Variants in LYRM4 observed in about 807,000 individuals in gnomAD.
The protein encoded by LYRM4 is LYR motif containing 4.
A neutral mutation model predicts 11.7 loss-of-function variants in LYRM4; 9 were observed. The ratio of observed to expected loss-of-function variants is 0.77; its 90% CI spans 0.46 to 1.34. The LOEUF (loss-of-function observed/expected upper bound fraction) is 1.34, where lower values mean the gene tolerates loss of function less well. Among genes scored for constraint, LYRM4 ranks in the 40% most tolerant of loss-of-function variants. The pLI is 0.00. For synonymous variants in LYRM4, 42 were observed against 40.4 expected (o/e 1.04, Z -0.15); for missense variants, 133 against 112.5 (o/e 1.18, Z -0.82).
intron 2 of LYRM4, among the ~76,000 whole-genome samples, chr6:5,133,625 CAT>C (rs1764056835): frequency 6.6e-6 from 1 of 152,188 alleles, no homozygotes; most frequent in Non-Finnish European, 1.5e-5. Flanking sequence ...GTTCACATAA[CAT>C]AAAATCATTT....
At position 5,194,402 on chromosome 6, in the gene LYRM4, G is replaced by A. The variant is rs546648122; in HGVS notation, c.207+22216C>T. Among the ~76,000 whole-genome samples, 11 of 152,194 alleles carry A rather than the reference G, an allele frequency of 7.2e-5. No homozygotes were observed. The East Asian group carries it at 1.9e-3, about 27-fold the overall frequency. ...TGTGAACAGGCATACCCTGGTGTGC[G>A]GCTGGTAATGAGCACCAGCTTTACT... is the stretch of plus-strand genomic sequence containing the variant. On this transcript the variant is annotated intron_variant, in intron 2 of 2. Coordinates refer to ENST00000330636, the MANE Select transcript of LYRM4 (RefSeq NM_020408.6).
chr6:5,047,496 G>T, the LYRM4 span, among the ~76,000 whole-genome samples: 1 of 152,088 alleles, frequency 6.6e-6, no homozygotes, highest in Non-Finnish European at 1.5e-5. Context: ...TTGTCTTTCT[G>T]GTTTGTATAG....
At chr6:5,075,330 GC>G in the LYRM4 span, among the ~76,000 whole-genome samples, 4 of 152,332 alleles carry the variant, frequency 2.6e-5, no homozygotes, top group Non-Finnish European at 4.4e-5. Context: ...TAAATTTGGA[GC>G]AGAGGGACTG....
the LYRM4 span, among the ~76,000 whole-genome samples, chr6:5,081,143 G>C: frequency 6.0e-5 from 8 of 134,200 alleles, no homozygotes; most frequent in Middle Eastern, 3.8e-3. Context: ...GCGGGGGGGG[G>C]GGGGGGGTAG....
downstream of LYRM4, among the ~76,000 whole-genome samples, chr6:5,098,640 A>G (rs1483760028): frequency 6.6e-6 from 1 of 152,186 alleles, no homozygotes; most frequent in African/African-American, 2.4e-5. Context: ...GCTGGAAACA[A>G]TGCATGCTGC....
At chr6:5,118,817 G>A (rs527498292) in intron 2 of LYRM4, among the ~76,000 whole-genome samples, 7 of 152,128 alleles carry the variant, frequency 4.6e-5, no homozygotes, top group South Asian at 2.1e-4. Context: ...TACGAATATC[G>A]ACCCCATGGT....
At chr6:5,060,794 C>T in the LYRM4 span, among the ~76,000 whole-genome samples, 1 of 152,150 alleles carries the variant, frequency 6.6e-6, no homozygotes, top group African/African-American at 2.4e-5. Context: ...TCCCAAAGTG[C>T]TAGGATTACA....
chr6:5,107,485 T>C (rs921586688), downstream of LYRM4: 3 of 152,260 alleles, frequency 2.0e-5, no homozygotes, highest in Non-Finnish European at 4.4e-5. Context: ...ACTGCACTGA[T>C]GCAAGGTGGA....
At chr6:5,056,221 A>G in the LYRM4 span, among the ~76,000 whole-genome samples, 1 of 152,202 alleles carries the variant, frequency 6.6e-6, no homozygotes, top group Non-Finnish European at 1.5e-5. Flanking sequence ...TTGGATCCTC[A>G]TATCTACTTC....
chr6:5,159,538 A>G (rs1030781054), intron 2 of LYRM4, among the ~76,000 whole-genome samples: 4 of 152,232 alleles, frequency 2.6e-5, no homozygotes, highest in African/African-American at 4.8e-5. Context: ...GCTTTTGAAC[A>G]AAAGTATTTT....
At chr6:5,247,233 A>G (rs1327963473) in intron 1 of LYRM4, among the ~76,000 whole-genome samples, 1 of 152,208 alleles carries the variant, frequency 6.6e-6, no homozygotes, top group African/African-American at 2.4e-5. Flanking sequence ...TGTCCCCCCA[A>G]GTCCAGAGGC....
chr6:5,103,602 T>C (rs1020539930), downstream of LYRM4: 31 of 151,942 alleles, frequency 2.0e-4, no homozygotes, highest in African/African-American at 7.3e-4. Context: ...TCTGCTGTTA[T>C]TTATAGGTTC....
At chr6:5,206,958 G>C (rs1378176970) in intron 2 of LYRM4, among the ~76,000 whole-genome samples, 1 of 152,046 alleles carries the variant, frequency 6.6e-6, no homozygotes, top group African/African-American at 2.4e-5. Context: ...GCTTGGCTCT[G>C]GTATTTCAAA....
chr6:5,078,978 T>C, the LYRM4 span, among the ~76,000 whole-genome samples: 276 of 152,350 alleles, frequency 1.8e-3, no homozygotes, highest in African/African-American at 5.7e-3. Context: ...ATATATGGTG[T>C]AGGAGAGGAA....
At chr6:5,179,639 G>A (rs917284889) in intron 2 of LYRM4, among the ~76,000 whole-genome samples, 1 of 152,120 alleles carries the variant, frequency 6.6e-6, no homozygotes, top group Non-Finnish European at 1.5e-5. Context: ...TCTATTGTAC[G>A]TATAGACCAC....
intron 2 of LYRM4, among the ~76,000 whole-genome samples, chr6:5,162,826 C>G (rs937980379): frequency 1.3e-5 from 2 of 152,126 alleles, no homozygotes; most frequent in African/African-American, 4.8e-5. Context: ...TACATATTCT[C>G]TCATTAGACG....
chr6:5,147,161 G>A (rs1182386436), intron 2 of LYRM4, among the ~76,000 whole-genome samples: 1 of 152,168 alleles, frequency 6.6e-6, no homozygotes, highest in Admixed American at 6.5e-5. Context: ...GGTAAGCTTT[G>A]CTGTGATGTT....
intron 2 of LYRM4, among the ~76,000 whole-genome samples, chr6:5,159,803 T>G (rs1410932967): frequency 6.6e-6 from 1 of 152,244 alleles, no homozygotes; most frequent in Non-Finnish European, 1.5e-5. Context: ...TCAAAAAGCA[T>G]ATGAACATTG....
chr6:5,216,840 C>A, intron 1 of LYRM4, 102 bp from the exon 2 acceptor site: 1 of 1,371,128 alleles, frequency 7.3e-7, no homozygotes, highest in Non-Finnish European at 9.8e-7. Flanking sequence ...ACTGTTTAAT[C>A]TTCCCCTACG....
Sources: gnomAD v4.1 joint callset for allele counts (sites outside exome capture counted in the v4.1 genomes callset) on GRCh38, gnomAD v4.1.1 for gene constraint, MANE v1.5 for transcripts, NCBI Gene and HGNC (gene_info 2026-07-23, HGNC 2026-07-21) for gene names.